The following MICU1 variants were observed in gnomAD, a reference collection of about 807,000 sequenced individuals.
MICU1 encodes the protein calcium uptake protein 1, mitochondrial.
In MICU1, 45 loss-of-function variants were observed where a neutral mutation model predicts 56.8. The ratio of observed to expected loss-of-function variants is 0.79; its 90% CI spans 0.62 to 1.02. MICU1 has a LOEUF of 1.02. MICU1 is among the 50% of genes least tolerant of loss of function. The probability of loss-of-function intolerance (pLI) is 0.00; values close to 1 mark genes in which losing one functional copy is unlikely to be tolerated. For missense variants in MICU1, 504 were observed against 587.1 expected, an observed-to-expected ratio of 0.86 and a Z score of 1.46; for synonymous variants, 186 against 195.1, an observed-to-expected ratio of 0.95 and a Z score of 0.39.
intron 1 of MICU1, among the ~76,000 whole-genome samples, chr10:72,573,032 G>A (rs1017096327): frequency 6.6e-6 from 1 of 151,860 alleles, no homozygotes; most frequent in Non-Finnish European, 1.5e-5. Context: ...GTTTATAATA[G>A]CAAAACACTA....
At chr10:72,420,637 G>A (rs1864127559) in intron 9 of MICU1, among the ~76,000 whole-genome samples, 1 of 151,676 alleles carries the variant, frequency 6.6e-6, no homozygotes. Context: ...CCTTAGCACT[G>A]CTTTGTGTGT....
intron 8 of MICU1, among the ~76,000 whole-genome samples, chr10:72,464,125 G>A (rs1280192058): frequency 1.3e-5 from 2 of 151,778 alleles, no homozygotes; most frequent in South Asian, 4.2e-4. Context: ...GTGAAACCTC[G>A]TCTCTACTAA....
chr10:72,378,321 G>C lies in MICU1; in HGVS notation c.1181-2449C>G, dbSNP rs147415995. ...CAAATGGTAATCCCCAGTGTTGGAGGAGGGGCCTGGTAGGAGGTTACTGGA... is the reference window on the plus strand; with the variant it reads ...CAAATGGTAATCCCCAGTGTTGGAGCAGGGGCCTGGTAGGAGGTTACTGGA... On this transcript the variant is annotated intron_variant, in intron 10 of 11. Coordinates refer to ENST00000361114, the MANE Select transcript of MICU1 (RefSeq NM_001195518.2). Among the ~76,000 whole-genome samples the C allele has an allele frequency of 9.7e-4, 147 of 152,292 alleles. 2 individuals carry two copies. The Middle Eastern group carries it at 0.024, about 25-fold the overall frequency.
At chr10:72,409,308 A>G (rs1315010009) in intron 9 of MICU1, among the ~76,000 whole-genome samples, 1 of 152,220 alleles carries the variant, frequency 6.6e-6, no homozygotes, top group Non-Finnish European at 1.5e-5. Flanking sequence ...GAACTCAGTA[A>G]TAAGGAAATC....
At chr10:72,553,362 T>C (rs2132448868) in intron 3 of MICU1, among the ~76,000 whole-genome samples, 1 of 151,988 alleles carries the variant, frequency 6.6e-6, no homozygotes, top group Non-Finnish European at 1.5e-5. Flanking sequence ...GCCTCCCTAG[T>C]AGCTGGGACT....
At chr10:72,504,932 T>C (rs1032862010) in intron 6 of MICU1, among the ~76,000 whole-genome samples, 2 of 151,854 alleles carry the variant, frequency 1.3e-5, no homozygotes, top group African/African-American at 2.4e-5. Context: ...TGAGATGCCA[T>C]CTCACACCGG....
At chr10:72,554,230 G>T (rs1274266251) in intron 3 of MICU1, among the ~76,000 whole-genome samples, 1 of 152,122 alleles carries the variant, frequency 6.6e-6, no homozygotes, top group Non-Finnish European at 1.5e-5. Flanking sequence ...AAATGAAAAA[G>T]ATTTGATAAA....
intron 1 of MICU1, among the ~76,000 whole-genome samples, chr10:72,599,617 T>G (rs1465244395): frequency 6.6e-6 from 1 of 152,156 alleles, no homozygotes; most frequent in East Asian, 1.9e-4. Flanking sequence ...TGCTAGCAAT[T>G]CAGATTTGTT....
At chr10:72,460,658 T>C (rs761364644) in intron 8 of MICU1, among the ~76,000 whole-genome samples, 2 of 152,196 alleles carry the variant, frequency 1.3e-5, no homozygotes, top group African/African-American at 4.8e-5. Context: ...ATATGATACA[T>C]AATTCATTCA....
chr10:72,473,808 T>C (rs571458236), intron 8 of MICU1, among the ~76,000 whole-genome samples: 2 of 152,226 alleles, frequency 1.3e-5, no homozygotes, highest in South Asian at 2.1e-4. Flanking sequence ...TGAAATCATA[T>C]ATAAGAATCT....
At chr10:72,518,249 G>A (rs1221983410) in intron 5 of MICU1, among the ~76,000 whole-genome samples, 1 of 151,872 alleles carries the variant, frequency 6.6e-6, no homozygotes, top group African/African-American at 2.4e-5. Context: ...GGCCAGGCTG[G>A]TCTCAAACTC....
chr10:72,463,928 A>G (rs1322946568), intron 8 of MICU1, among the ~76,000 whole-genome samples: 1 of 151,994 alleles, frequency 6.6e-6, no homozygotes, highest in South Asian at 2.1e-4. Context: ...CCATATTTTT[A>G]CTCTGCTTTT....
At chr10:72,577,988 C>T (rs1840793939) in intron 1 of MICU1, among the ~76,000 whole-genome samples, 1 of 152,142 alleles carries the variant, frequency 6.6e-6, no homozygotes. Flanking sequence ...TTTGGGAGAA[C>T]TGACTCAAGT....
intron 4 of MICU1, among the ~76,000 whole-genome samples, chr10:72,540,478 A>G (rs966230042): frequency 6.6e-6 from 1 of 152,080 alleles, no homozygotes; most frequent in South Asian, 2.1e-4. Context: ...GTTTGAGAGC[A>G]ACCTGGGAAA....
chr10:72,406,168 A>G (rs1193772522), intron 10 of MICU1, among the ~76,000 whole-genome samples: 3 of 152,154 alleles, frequency 2.0e-5, no homozygotes, highest in Non-Finnish European at 4.4e-5. Context: ...TATAAAAATC[A>G]GTTATATTTT....
chr10:72,468,405 A>T (rs1865859346), intron 8 of MICU1, among the ~76,000 whole-genome samples: 1 of 151,754 alleles, frequency 6.6e-6, no homozygotes, highest in Admixed American at 6.6e-5. Context: ...TTTGACTGAC[A>T]TCCTACTTGC....
chr10:72,528,152 A>G (rs1399015127), intron 5 of MICU1, among the ~76,000 whole-genome samples: 1 of 152,226 alleles, frequency 6.6e-6, no homozygotes, highest in Non-Finnish European at 1.5e-5. Flanking sequence ...AACCAAAAAA[A>G]TAAACCACTG....
At chr10:72,520,383 C>T (rs1867780980) in intron 5 of MICU1, among the ~76,000 whole-genome samples, 1 of 152,092 alleles carries the variant, frequency 6.6e-6, no homozygotes, top group South Asian at 2.1e-4. Context: ...CATCTCTGAA[C>T]TTGCAGAAGG....
At chr10:72,498,391 G>A (rs1866918655) in intron 6 of MICU1, among the ~76,000 whole-genome samples, 1 of 152,142 alleles carries the variant, frequency 6.6e-6, no homozygotes, top group African/African-American at 2.4e-5. Context: ...GTCGAGACCA[G>A]CCTGGCCAAC....
Sources: allele counts gnomAD v4.1 joint callset (sites outside exome capture counted in the v4.1 genomes callset), GRCh38; gene constraint gnomAD v4.1.1; transcripts MANE v1.5; gene names NCBI Gene and HGNC (gene_info 2026-07-23, HGNC 2026-07-21).